Variants in PTPRD observed in about 807,000 individuals in gnomAD.
PTPRD encodes the protein receptor-type tyrosine-protein phosphatase delta.
Under a neutral mutation model 214.5 loss-of-function variants are expected in PTPRD, and 34 were observed. That is an observed-to-expected ratio of 0.16 (90% confidence interval 0.12 to 0.21). The LOEUF is 0.21. PTPRD is among the 10% of genes least tolerant of loss of function. The pLI, the probability that PTPRD is intolerant of heterozygous loss-of-function variation, is 1.00. For synonymous variants in PTPRD, 1,128 were observed against 845.7 expected (o/e 1.33, Z -5.79); for missense variants, 2,545 against 2,398.7 (o/e 1.06, Z -1.27).
chr9:10,463,455 A>T (rs2098972619), intron 2 of PTPRD, among the ~76,000 whole-genome samples: 1 of 152,154 alleles, frequency 6.6e-6, no homozygotes, highest in Non-Finnish European at 1.5e-5. Context: ...AATAAACAAG[A>T]ATAAGTTGTT....
intron 9 of PTPRD, among the ~76,000 whole-genome samples, chr9:9,364,846 GT>G (rs2139309524): frequency 6.6e-6 from 1 of 151,324 alleles, no homozygotes; most frequent in South Asian, 2.1e-4. Flanking sequence ...TGTGAGCAGT[GT>G]TGAGTGTGGA....
At chr9:8,550,671 A>G (rs1390317539) in intron 14 of PTPRD, among the ~76,000 whole-genome samples, 1 of 152,240 alleles carries the variant, frequency 6.6e-6, no homozygotes, top group Non-Finnish European at 1.5e-5. Flanking sequence ...ATCCATATGC[A>G]AGAGAAACCT....
rs141493143 is a variant in PTPRD, at chr9:8,488,264, A to G, written c.2468-1915T>C. Among the ~76,000 whole-genome samples, 279 of 152,384 alleles carry G rather than the reference A, an allele frequency of 1.8e-3. 2 individuals are homozygous for G. The highest frequency in any genetic ancestry group is 6.3e-3 in the African/African-American group (260 of 41,588). Reference sequence around the variant, plus strand: ...GATGTGCTCTGCTCTAAGAAATATCATTAAGATATTTATTTCCTTAACCAA... The same window carrying G: ...GATGTGCTCTGCTCTAAGAAATATCGTTAAGATATTTATTTCCTTAACCAA... On this transcript the variant is annotated intron_variant, in intron 27 of 45. Transcript: ENST00000381196.
At chr9:10,185,588 A>G (rs896750542) in intron 3 of PTPRD, among the ~76,000 whole-genome samples, 1 of 152,172 alleles carries the variant, frequency 6.6e-6, no homozygotes, top group Non-Finnish European at 1.5e-5. Flanking sequence ...AACTTGTCTA[A>G]TGTTATACGG....
At chr9:8,797,062 A>AT (rs2096450660) in intron 11 of PTPRD, 1 of 152,202 alleles carries the variant, frequency 6.6e-6, no homozygotes, top group Non-Finnish European at 1.5e-5. Context: ...GAAAACTGCC[A>AT]TAACATGATA....
chr9:10,329,979 T>C (rs1368939043), intron 3 of PTPRD, among the ~76,000 whole-genome samples: 2 of 151,858 alleles, frequency 1.3e-5, no homozygotes, highest in African/African-American at 2.4e-5. Flanking sequence ...ATATTTGAAA[T>C]GTAAAATCAC....
chr9:8,405,086 T>C (rs984904330), intron 35 of PTPRD, among the ~76,000 whole-genome samples: 21 of 152,222 alleles, frequency 1.4e-4, no homozygotes, highest in African/African-American at 5.1e-4. Context: ...TAACTGGTCT[T>C]TCACTGGCTT....
chr9:10,553,029 C>T (rs924274996), intron 2 of PTPRD, among the ~76,000 whole-genome samples: 2 of 152,142 alleles, frequency 1.3e-5, no homozygotes, highest in Non-Finnish European at 2.9e-5. Flanking sequence ...AAGAATTCAG[C>T]TGAGGCAGTC....
At chr9:8,608,304 G>T (rs2095314226) in intron 14 of PTPRD, among the ~76,000 whole-genome samples, 1 of 152,054 alleles carries the variant, frequency 6.6e-6, no homozygotes, top group Admixed American at 6.6e-5. Flanking sequence ...ATGAAAAACG[G>T]CACATTATAA....
intron 12 of PTPRD, 37 bp from the exon 13 acceptor site, chr9:8,636,881 A>G: frequency 6.2e-7 from 1 of 1,602,556 alleles, no homozygotes; most frequent in South Asian, 1.1e-5. Context: ...TAAATTGAAA[A>G]CTGAAATACA....
intron 11 of PTPRD, among the ~76,000 whole-genome samples, chr9:8,796,589 T>G (rs1028371556): frequency 1.3e-5 from 2 of 152,192 alleles, no homozygotes; most frequent in African/African-American, 4.8e-5. Flanking sequence ...ATCTGTGGCT[T>G]TTTTATTTGG....
intron 8 of PTPRD, among the ~76,000 whole-genome samples, chr9:9,470,238 CTT>C (rs1275154871): frequency 6.6e-6 from 1 of 152,078 alleles, no homozygotes. Flanking sequence ...GATTTTCTCT[CTT>C]TATATTTGCA....
At chr9:9,016,349 G>C (rs905858677) in intron 11 of PTPRD, among the ~76,000 whole-genome samples, 3 of 152,072 alleles carry the variant, frequency 2.0e-5, no homozygotes, top group Non-Finnish European at 2.9e-5. Flanking sequence ...AACAAGTTCT[G>C]GGTTCCAATT....
At chr9:10,409,667 T>G (rs578192151) in intron 2 of PTPRD, among the ~76,000 whole-genome samples, 6 of 151,946 alleles carry the variant, frequency 3.9e-5, no homozygotes, top group African/African-American at 1.4e-4. Context: ...ACTTTTCTCT[T>G]TAAATAATAG....
intron 8 of PTPRD, among the ~76,000 whole-genome samples, chr9:9,416,003 A>T (rs2076891821): frequency 6.6e-6 from 1 of 152,122 alleles, no homozygotes; most frequent in African/African-American, 2.4e-5. Context: ...AGATGTAGGA[A>T]ATGTTTTTAA....
At chr9:8,669,396 A>G (rs909873748) in intron 12 of PTPRD, among the ~76,000 whole-genome samples, 1 of 152,156 alleles carries the variant, frequency 6.6e-6, no homozygotes, top group African/African-American at 2.4e-5. Context: ...TGAGGGTATA[A>G]GACCCAATAT....
At chr9:10,327,724 T>C (rs549475553) in intron 3 of PTPRD, among the ~76,000 whole-genome samples, 7 of 151,732 alleles carry the variant, frequency 4.6e-5, no homozygotes, top group Non-Finnish European at 1.0e-4. Context: ...TTTCCAAACC[T>C]CCTGAGGAAG....
At chr9:8,525,421 C>A (rs1484610846) in intron 17 of PTPRD, among the ~76,000 whole-genome samples, 1 of 151,646 alleles carries the variant, frequency 6.6e-6, no homozygotes, top group Non-Finnish European at 1.5e-5. Flanking sequence ...CCAAAAGTGG[C>A]GCAAAAGATA....
chr9:9,808,749 T>C (rs1199668892), intron 5 of PTPRD, among the ~76,000 whole-genome samples: 2 of 152,090 alleles, frequency 1.3e-5, no homozygotes, highest in Non-Finnish European at 2.9e-5. Context: ...TCATCTCCCT[T>C]ATGACTGGGG....
Sources: allele counts gnomAD v4.1 joint callset (sites outside exome capture counted in the v4.1 genomes callset), GRCh38; gene constraint gnomAD v4.1.1; transcripts MANE v1.5; gene names NCBI Gene and HGNC (gene_info 2026-07-23, HGNC 2026-07-21).